Variants in PTPRO observed in about 807,000 individuals in gnomAD.
PTPRO encodes the protein protein tyrosine phosphatase receptor type O.
A neutral mutation model predicts 145.2 loss-of-function variants in PTPRO; 62 were observed. The observed-to-expected ratio is 0.43, with a 90% CI of 0.35 to 0.53. The LOEUF (loss-of-function observed/expected upper bound fraction) is 0.53. Among genes scored for constraint, PTPRO ranks in the 20% least tolerant of loss-of-function variants. The pLI is 0.01. For missense variants in PTPRO, 1,345 were observed against 1,482.7 expected (o/e 0.91, Z 1.53); for synonymous variants, 565 against 514.7 (o/e 1.10, Z -1.32).
chr12:15,520,709 G>A (rs1022859189), intron 10 of PTPRO, among the ~76,000 whole-genome samples: 4 of 152,016 alleles, frequency 2.6e-5, no homozygotes, highest in African/African-American at 4.8e-5. Flanking sequence ...CATTTTTAAA[G>A]TCATAGGCTG....
intron 15 of PTPRO, among the ~76,000 whole-genome samples, chr12:15,552,075 T>C (rs1195577076): frequency 2.0e-5 from 3 of 150,070 alleles, no homozygotes; most frequent in Admixed American, 2.0e-4. Context: ...CGGGAAATCC[T>C]CTCCATAATT....
chr12:15,432,983 G>C (rs1191861787), intron 1 of PTPRO, among the ~76,000 whole-genome samples: 1 of 151,772 alleles, frequency 6.6e-6, no homozygotes, highest in Non-Finnish European at 1.5e-5. Context: ...TCATTTGTTT[G>C]TTTTTGTTGT....
At chr12:15,366,600 G>A (rs2136250876) in intron 1 of PTPRO, among the ~76,000 whole-genome samples, 1 of 152,114 alleles carries the variant, frequency 6.6e-6, no homozygotes, top group South Asian at 2.1e-4. Context: ...AAAAGAAATG[G>A]GTAGTATAGT....
At chr12:15,494,546 C>T (rs991050059) in intron 2 of PTPRO, among the ~76,000 whole-genome samples, 3 of 152,146 alleles carry the variant, frequency 2.0e-5, no homozygotes, top group African/African-American at 7.2e-5. Flanking sequence ...ATTGAATACT[C>T]CTCAGTGATG....
intron 1 of PTPRO, among the ~76,000 whole-genome samples, chr12:15,431,267 T>C (rs1940429201): frequency 6.6e-6 from 1 of 152,208 alleles, no homozygotes; most frequent in South Asian, 2.1e-4. Flanking sequence ...TGGACGTAGG[T>C]TTGAGAGAGG....
At chr12:15,418,939 A>G (rs1317898153) in intron 1 of PTPRO, among the ~76,000 whole-genome samples, 2 of 151,752 alleles carry the variant, frequency 1.3e-5, no homozygotes, top group East Asian at 3.8e-4. Context: ...TAAAAGTAGA[A>G]AAATTGTGAC....
intron 1 of PTPRO, among the ~76,000 whole-genome samples, chr12:15,474,989 C>G (rs1247325673): frequency 6.6e-6 from 1 of 152,198 alleles, no homozygotes; most frequent in Admixed American, 6.5e-5. Flanking sequence ...TTATTTTTGG[C>G]AACCTGGAAG....
intron 12 of PTPRO, among the ~76,000 whole-genome samples, chr12:15,535,091 G>T (rs1943040859): frequency 6.6e-6 from 1 of 152,152 alleles, no homozygotes; most frequent in South Asian, 2.1e-4. Context: ...GACAAATGGT[G>T]GCGCAATTCA....
At chr12:15,529,177 T>G (rs1942906276) in intron 12 of PTPRO, among the ~76,000 whole-genome samples, 1 of 152,126 alleles carries the variant, frequency 6.6e-6, no homozygotes, top group Non-Finnish European at 1.5e-5. Context: ...AGACAAATCT[T>G]TTAAAAATAA....
chr12:15,378,634 G>C (rs1938761604), intron 1 of PTPRO, among the ~76,000 whole-genome samples: 1 of 152,056 alleles, frequency 6.6e-6, no homozygotes, highest in Non-Finnish European at 1.5e-5. Flanking sequence ...AATAAAACCA[G>C]TTCTACACAC....
intron 1 of PTPRO, among the ~76,000 whole-genome samples, chr12:15,360,756 A>ATATGTG (rs1171294165): frequency 6.8e-6 from 1 of 146,970 alleles, no homozygotes; most frequent in African/African-American, 2.5e-5. Flanking sequence ...ATGTGTGTGT[A>ATATGTG]TATGTGTGTA....
chr12:15,444,963 C>T (rs1229823321), intron 1 of PTPRO, among the ~76,000 whole-genome samples: 1 of 152,032 alleles, frequency 6.6e-6, no homozygotes, highest in Non-Finnish European at 1.5e-5. Context: ...CTTTTTGTCT[C>T]TCAATGGGTT....
chr12:15,423,525 A>T (rs890310565), intron 1 of PTPRO, among the ~76,000 whole-genome samples: 2 of 152,170 alleles, frequency 1.3e-5, no homozygotes, highest in Admixed American at 6.5e-5. Context: ...AGTTCTATGC[A>T]CTTACATATT....
chr12:15,374,341 C>T (rs554466862), intron 1 of PTPRO, among the ~76,000 whole-genome samples: 1 of 152,192 alleles, frequency 6.6e-6, no homozygotes, highest in African/African-American at 2.4e-5. Flanking sequence ...AAAAAATTTT[C>T]AAATTAACTT....
intron 1 of PTPRO, among the ~76,000 whole-genome samples, chr12:15,362,821 T>C (rs1381031): frequency 0.18 from 27,885 of 152,148 alleles, 3,035 homozygotes; most frequent in South Asian, 0.31. Flanking sequence ...TTAATAAAAT[T>C]GTGTGAAACC....
intron 1 of PTPRO, among the ~76,000 whole-genome samples, chr12:15,431,021 C>G (rs147821072): frequency 6.6e-6 from 1 of 152,160 alleles, no homozygotes; most frequent in African/African-American, 2.4e-5. Context: ...ATATTGACCT[C>G]AATAAAAAAA....
chr12:15,511,987 C>T (rs1291702480), intron 7 of PTPRO, among the ~76,000 whole-genome samples: 1 of 152,114 alleles, frequency 6.6e-6, no homozygotes, highest in Non-Finnish European at 1.5e-5. Flanking sequence ...ACTCCTTATG[C>T]CCTTTATTAT....
At position 15,344,202 on chromosome 12, in the gene PTPRO, A is replaced by C. The variant is rs186260436; in HGVS notation, c.75+21401A>C. ...CACACTTGAACATTGTTAATGTTGA[A>C]GCCCCAGGATTATGGAAACACTGGA... On this transcript the variant is annotated intron_variant, in intron 1 of 26. Coordinates refer to ENST00000281171, the MANE Select transcript of PTPRO (RefSeq NM_030667.3). Among the ~76,000 whole-genome samples the C allele has an allele frequency of 3.6e-3, 542 of 152,354 alleles. 7 individuals are homozygous for C. The highest frequency in any genetic ancestry group is 0.012 in the African/African-American group (510 of 41,584).
chr12:15,415,632 A>T (rs768841778), intron 1 of PTPRO, among the ~76,000 whole-genome samples: 1 of 151,530 alleles, frequency 6.6e-6, no homozygotes, highest in East Asian at 1.9e-4. Flanking sequence ...TGATCCGCCC[A>T]CCCTGGCCTC....
Sources: gnomAD v4.1 joint callset for allele counts (sites outside exome capture counted in the v4.1 genomes callset) on GRCh38, gnomAD v4.1.1 for gene constraint, MANE v1.5 for transcripts, NCBI Gene and HGNC (gene_info 2026-07-23, HGNC 2026-07-21) for gene names.